GDF6: variants seen among roughly 807,000 people sequenced by gnomAD.
GDF6 encodes the protein growth differentiation factor 6.
A neutral mutation model predicts 32.4 loss-of-function variants in GDF6; 3 were observed. The observed-to-expected ratio is 0.09, with a 90% CI of 0.04 to 0.24. The LOEUF (loss-of-function observed/expected upper bound fraction) is 0.24. Among genes scored for constraint, GDF6 ranks in the 10% least tolerant of loss-of-function variants. The pLI is 1.00. For synonymous variants in GDF6, 296 were observed against 295.3 expected (o/e 1.00, Z -0.03); for missense variants, 589 against 637.9 (o/e 0.92, Z 0.83).
chr8:96,158,929 C>G (rs1467697607), intron 1 of GDF6, among the ~76,000 whole-genome samples: 1 of 150,906 alleles, frequency 6.6e-6, no homozygotes, highest in African/African-American at 2.4e-5. Context: ...GCGAGACCCT[C>G]GAGCAAGGAA....
intron 1 of GDF6, among the ~76,000 whole-genome samples, chr8:96,152,744 C>T (rs1399212802): frequency 6.6e-6 from 1 of 152,176 alleles, no homozygotes; most frequent in Non-Finnish European, 1.5e-5. Context: ...CAATAGCTTG[C>T]CCTGTATTTC....
Position 96,156,623 on chromosome 8 carries a change from A to T in GDF6, c.406+3664T>A, listed in dbSNP as rs536098743. Among the ~76,000 whole-genome samples, 7 of 152,298 alleles carry T rather than the reference A, an allele frequency of 4.6e-5. No individual in the cohort carries two copies. The South Asian group carries it at 1.4e-3, about 32-fold the overall frequency. On this transcript the variant is annotated intron_variant, in intron 1 of 1. Coordinates refer to ENST00000287020, the MANE Select transcript of GDF6 (RefSeq NM_001001557.4). ...CATTCTCATCCCATGATGGCACCTAAACACACAGGCACACACCTTCTCACC... is the reference window on the plus strand; with the variant it reads ...CATTCTCATCCCATGATGGCACCTATACACACAGGCACACACCTTCTCACC...
At chr8:96,154,949 C>G (rs921941610) in intron 1 of GDF6, among the ~76,000 whole-genome samples, 2 of 152,154 alleles carry the variant, frequency 1.3e-5, no homozygotes, top group Non-Finnish European at 2.9e-5. Flanking sequence ...CTGCGTTCCC[C>G]GCGGGTCCAG....
At position 96,144,290 on chromosome 8, in the gene GDF6, G is replaced by GAGAGAGAGAGAA. The variant is rs1416099236; in HGVS notation, c.*272_*273insTTCTCTCTCTCT. On this transcript the variant is annotated 3_prime_UTR_variant, in exon 2 of 2. Coordinates refer to ENST00000287020, the MANE Select transcript of GDF6 (RefSeq NM_001001557.4). This position sits in a 1 kb window ranked among gnomAD's most constrained non-coding sequence, Gnocchi z 5.1. ...AGAGAGAGAGAGAGAGAGAGAGAGA[G>GAGAGAGAGAGAA]AAAACAGAACAAAAGAAATCCTCCT... 3.6e-5 allele frequency: 16 copies of GAGAGAGAGAGAA among 439,320 alleles called. No individual in the cohort carries two copies. The highest frequency in any genetic ancestry group is 6.5e-4 in the Middle Eastern group (1 of 1,530). 27.2% of individuals were successfully genotyped at this position (439,320 alleles called of 1,614,324 possible).
intron 1 of GDF6, among the ~76,000 whole-genome samples, chr8:96,152,757 C>T (rs553809831): frequency 2.0e-5 from 3 of 152,312 alleles, no homozygotes; most frequent in East Asian, 1.9e-4. Flanking sequence ...TGTATTTCTG[C>T]TTCCAAAGAC....
In GDF6 at chr8:96,145,311, G is replaced by A; in HGVS notation, c.620C>T (p.Ala207Val). ...LDARTLDPQG[A>V]PPAGWEVFDV... ...GAAGACTTCCCAGCCGGCCGGCGGCGCCCCCTGCGGGTCCAGGGTCCGCGC... is the reference window on the plus strand; with the variant it reads ...GAAGACTTCCCAGCCGGCCGGCGGCACCCCCTGCGGGTCCAGGGTCCGCGC... Residue 207 changes from alanine (A) to valine (V), a missense_variant, in exon 2 of 2, where the codon GCG (alanine) becomes GTG (valine). Ala to Val is a moderately conservative substitution (Grantham distance 64). This residue lies in a region of GDF6 where 436 missense variants were observed against 411.2 expected (regional missense o/e 1.06). Transcript: ENST00000287020. This position sits in a 1 kb window ranked among gnomAD's most constrained non-coding sequence, Gnocchi z 5.6. 1.3e-6 allele frequency: 2 copies of A among 1,531,714 alleles called. No homozygotes were observed. The highest frequency in any genetic ancestry group is 1.7e-6 in the Non-Finnish European group (2 of 1,145,416). 94.9% of individuals were successfully genotyped at this position (1,531,714 alleles called of 1,614,324 possible). A position where few individuals can be genotyped will look rare whatever the true frequency, so the allele number is the denominator to read the frequency against.
intron 1 of GDF6, among the ~76,000 whole-genome samples, chr8:96,152,471 G>A (rs1373612761): frequency 6.6e-6 from 1 of 152,156 alleles, no homozygotes; most frequent in Non-Finnish European, 1.5e-5. Flanking sequence ...CTTTTGTGGG[G>A]GCACGATCTG....
At chr8:96,151,494 C>G (rs918847555) in intron 1 of GDF6, among the ~76,000 whole-genome samples, 1 of 152,174 alleles carries the variant, frequency 6.6e-6, no homozygotes, top group Admixed American at 6.5e-5. Context: ...GACATCCCAG[C>G]CCTGATCTCT....
chr8:96,145,002 T>TCGGCGC lies in GDF6; in HGVS notation c.923_928dup (p.Gly308_Ala309dup), dbSNP rs1224736770. The TCGGCGC allele has an allele frequency of 2.2e-5, 30 of 1,382,488 alleles. No individual in the cohort carries two copies. The highest frequency in any genetic ancestry group is 2.8e-5 in the Non-Finnish European group (30 of 1,067,224). The allele number at this position is 1,382,488 out of a possible 1,614,324, so 85.6% of individuals were successfully genotyped here. On this transcript the variant is annotated inframe_insertion, in exon 2 of 2. Coordinates refer to ENST00000287020, the MANE Select transcript of GDF6 (RefSeq NM_001001557.4). This position sits in a 1 kb window ranked among gnomAD's most constrained non-coding sequence, Gnocchi z 5.6. ...GCCCGACGGCGGCGGCCACGACCCCTCGGCGCCCGCGCCCGGGCCCGCAGC... is the reference window on the plus strand; with the variant it reads ...GCCCGACGGCGGCGGCCACGACCCCTCGGCGCCGGCGCCCGCGCCCGGGCCCGCAGC...
Position 96,160,738 on chromosome 8 carries a change from C to T in GDF6, c.-46G>A. On this transcript the variant is annotated 5_prime_UTR_variant, in exon 1 of 2. Coordinates refer to ENST00000287020, the MANE Select transcript of GDF6 (RefSeq NM_001001557.4). ...TCCCCAGGAGGCGGTGGCGGCGGCG[C>T]AGGACGCGCGGGGCACGGAGCGGCT... The T allele has an allele frequency of 6.2e-7, 1 of 1,602,124 alleles. No individual in the cohort carries two copies.
Position 96,145,162 on chromosome 8 carries a change from G to C in GDF6, c.769C>G (p.Pro257Ala). 2.0e-6 allele frequency: 3 copies of C among 1,502,550 alleles called. No homozygotes were observed. The allele number at this position is 1,502,550 out of a possible 1,614,324, so 93.1% of individuals were successfully genotyped here. A position where few individuals can be genotyped will look rare whatever the true frequency, so the allele number is the denominator to read the frequency against. The change falls in exon 2 of 2, where the codon CCC becomes GCC. Residue 257 changes from proline (P) to alanine (A), a missense_variant. Physicochemically the swap from Pro to Ala is conservative, Grantham distance 27 (BLOSUM62 -1). This residue lies in a region of GDF6 where 436 missense variants were observed against 411.2 expected (regional missense o/e 1.06). Transcript: ENST00000287020. The surrounding 1 kb of genome is among the most constrained non-coding windows in gnomAD (Gnocchi z 5.6). Reference sequence around the variant, plus strand: ...AAGCCCAGACTCCGCAGGTCCGGGGGCGGCGGTTGCTGGGGTCCCCGCGCG... The same window carrying C: ...AAGCCCAGACTCCGCAGGTCCGGGGCCGGCGGTTGCTGGGGTCCCCGCGCG... ...ARARGPQQPPPPDLRSLGFGR... is the reference protein window; with the variant it reads ...ARARGPQQPPAPDLRSLGFGR...
At chr8:96,150,269 C>G (rs1042761354) in intron 1 of GDF6, among the ~76,000 whole-genome samples, 2 of 152,168 alleles carry the variant, frequency 1.3e-5, no homozygotes, top group African/African-American at 2.4e-5. Context: ...AGCTACTGGC[C>G]AGGCGTCCCG....
intron 1 of GDF6, among the ~76,000 whole-genome samples, chr8:96,157,675 G>A (rs1405686634): frequency 6.6e-6 from 1 of 152,176 alleles, no homozygotes; most frequent in Non-Finnish European, 1.5e-5. Flanking sequence ...GCGGTTAAGA[G>A]CCCCACGTGA....
In GDF6 at chr8:96,144,285, A is replaced by AGAGG. The variant is rs2130203441; in HGVS notation, c.*277_*278insCCTC. ...GAGAGAGAGAGAGAGAGAGAGAGAG[A>AGAGG]GAGAGAAAACAGAACAAAAGAAATC... On this transcript the variant is annotated 3_prime_UTR_variant, in exon 2 of 2. Transcript: ENST00000287020. The surrounding 1 kb of genome is among the most constrained non-coding windows in gnomAD (Gnocchi z 5.1). 2.0e-6 allele frequency: 1 copy of AGAGG among 495,424 alleles called. No homozygotes were observed. The highest frequency in any genetic ancestry group is 2.2e-5 in the African/African-American group (1 of 45,480). 30.7% of individuals were successfully genotyped at this position (495,424 alleles called of 1,614,324 possible). A position where few individuals can be genotyped will look rare whatever the true frequency, so the allele number is the denominator to read the frequency against.
At chr8:96,150,276 C>T (rs1405237244) in intron 1 of GDF6, among the ~76,000 whole-genome samples, 4 of 152,206 alleles carry the variant, frequency 2.6e-5, no homozygotes, top group Admixed American at 6.5e-5. Flanking sequence ...GGCCAGGCGT[C>T]CCGCCACGCC....
At chr8:96,158,291 G>A (rs76075842) in intron 1 of GDF6, among the ~76,000 whole-genome samples, 24 of 152,158 alleles carry the variant, frequency 1.6e-4, no homozygotes, top group Non-Finnish European at 2.9e-4. Flanking sequence ...CTCCAGGATC[G>A]GGGGCATACA....
Position 96,143,336 on chromosome 8 carries a change from G to A in GDF6, c.*1227C>T, listed in dbSNP as rs1205894508. 6.6e-6 allele frequency: 1 copy of A among 152,654 alleles called. No homozygotes were observed. The highest frequency in any genetic ancestry group is 1.5e-5 in the Non-Finnish European group (1 of 68,050). 9.5% of individuals were successfully genotyped at this position (152,654 alleles called of 1,614,324 possible). Reference sequence around the variant, plus strand: ...TGTCAAAGAGAGGGGAGGGAACTCAGATTTTAAAGAAACTTCAGAGACAGG... The same window carrying A: ...TGTCAAAGAGAGGGGAGGGAACTCAAATTTTAAAGAAACTTCAGAGACAGG... On this transcript the variant is annotated 3_prime_UTR_variant, in exon 2 of 2. Coordinates refer to ENST00000287020, the MANE Select transcript of GDF6 (RefSeq NM_001001557.4).
intron 1 of GDF6, among the ~76,000 whole-genome samples, chr8:96,150,294 C>A (rs1316357529): frequency 1.3e-5 from 2 of 152,230 alleles, no homozygotes; most frequent in African/African-American, 4.8e-5. Flanking sequence ...GCCTCCCAGC[C>A]ATGTTCTCCG....
chr8:96,143,446 T>A lies in GDF6; in HGVS notation c.*1117A>T, dbSNP rs915999528. On this transcript the variant is annotated 3_prime_UTR_variant, in exon 2 of 2. Coordinates refer to ENST00000287020, the MANE Select transcript of GDF6 (RefSeq NM_001001557.4). ...TCCCCATCCTCCCTGAGGCCCACCATCTTCCCTCCTGATGGGACTCCTTCT... is the reference window on the plus strand; with the variant it reads ...TCCCCATCCTCCCTGAGGCCCACCAACTTCCCTCCTGATGGGACTCCTTCT... 8 of 152,778 alleles carry A rather than the reference T, an allele frequency of 5.2e-5. No individual in the cohort carries two copies. Among genetic ancestry groups the A allele is most frequent in the African/African-American group, 1.7e-4 (7 of 41,562 alleles). 9.5% of individuals were successfully genotyped at this position (152,778 alleles called of 1,614,324 possible). A position where few individuals can be genotyped will look rare whatever the true frequency, so the allele number is the denominator to read the frequency against.
Sources: allele counts gnomAD v4.1 joint callset (sites outside exome capture counted in the v4.1 genomes callset), GRCh38; gene constraint gnomAD v4.1.1; regional missense constraint gnomAD v4.1.1; non-coding constraint Gnocchi (gnomAD v3.1); transcripts MANE v1.5; gene names NCBI Gene and HGNC (gene_info 2026-07-23, HGNC 2026-07-21).